Variants in OR1L8 observed in about 807,000 individuals in gnomAD.
The protein encoded by OR1L8 is olfactory receptor family 1 subfamily L member 8.
For missense variants in OR1L8, 330 were observed against 377.4 expected (o/e 0.87, Z 1.04); for synonymous variants, 148 against 147.0 (o/e 1.01, Z -0.05).
At chr9:122,570,616 C>G (rs964513356) in intron 4 of OR1L8, among the ~76,000 whole-genome samples, 3 of 152,180 alleles carry the variant, frequency 2.0e-5, no homozygotes, top group Non-Finnish European at 4.4e-5. Context: ...TAAAAACATT[C>G]AGGACAAGCT....
chr9:122,560,327 C>T, the OR1L8 span, among the ~76,000 whole-genome samples: 4 of 152,114 alleles, frequency 2.6e-5, no homozygotes, highest in Non-Finnish European at 4.4e-5. Flanking sequence ...AGCCCGTTTA[C>T]ATTTAAGGTT....
intron 1 of OR1L8, among the ~76,000 whole-genome samples, chr9:122,578,955 T>A (rs35672539): frequency 0.12 from 16,762 of 142,778 alleles, 1,118 homozygotes; most frequent in South Asian, 0.21. Flanking sequence ...TTAAAAAAAA[T>A]TCTGAAAAAT....
intron 4 of OR1L8, among the ~76,000 whole-genome samples, chr9:122,572,545 C>T (rs1023870031): frequency 6.7e-6 from 1 of 148,908 alleles, no homozygotes; most frequent in Non-Finnish European, 1.5e-5. Context: ...GCTGGGAATG[C>T]AATCATTGTT....
Position 122,581,641 on chromosome 9 carries a change from A to G in OR1L8, c.-600+1680T>C, listed in dbSNP as rs145748999. Among the ~76,000 whole-genome samples, 326 of 152,136 alleles carry G rather than the reference A, an allele frequency of 2.1e-3. 1 individual carries two copies. Among genetic ancestry groups the G allele is most frequent in the African/African-American group, 5.2e-3 (216 of 41,524 alleles). ...AATTCACAGAGGTAAGCGAGTGCCA[A>G]TCTTCTTTAAAAATAAAGACAGAGG... On this transcript the variant is annotated intron_variant, in intron 1 of 4. Transcript: ENST00000641027.
Position 122,568,553 on chromosome 9 carries a change from C to G in OR1L8, c.-76G>C, listed in dbSNP as rs896072418. On this transcript the variant is annotated 5_prime_UTR_variant, in exon 5 of 5. Coordinates refer to ENST00000641027, the MANE Select transcript of OR1L8 (RefSeq NM_001004454.2). ...ATTTCATAACACCAATCATGAGAAC[C>G]TAGCAAGTCTTTGTTTCTTCTGTTT... The G allele has an allele frequency of 2.3e-6, 2 of 854,860 alleles. No homozygotes were observed. Among genetic ancestry groups the G allele is most frequent in the Admixed American group, 5.3e-5 (2 of 37,818 alleles). 53.0% of individuals were successfully genotyped at this position (854,860 alleles called of 1,614,324 possible).
chr9:122,555,928 A>C, the OR1L8 span, among the ~76,000 whole-genome samples: 87,273 of 152,060 alleles, frequency 0.57, 25,552 homozygotes, highest in East Asian at 0.97. Flanking sequence ...GGTGTTGTGC[A>C]TTCTGTGGGT....
At chr9:122,556,663 A>G in the OR1L8 span, among the ~76,000 whole-genome samples, 8 of 152,164 alleles carry the variant, frequency 5.3e-5, no homozygotes, top group Non-Finnish European at 8.8e-5. Flanking sequence ...CTGCACATGT[A>G]TCCCAGAACT....
downstream of OR1L8, among the ~76,000 whole-genome samples, chr9:122,565,698 G>A (rs759450095): frequency 1.3e-5 from 2 of 152,228 alleles, no homozygotes; most frequent in Non-Finnish European, 2.9e-5. Flanking sequence ...CTGACAGGTA[G>A]TTTTTAACTT....
At chr9:122,559,896 G>A in the OR1L8 span, among the ~76,000 whole-genome samples, 1 of 152,142 alleles carries the variant, frequency 6.6e-6, no homozygotes, top group African/African-American at 2.4e-5. Flanking sequence ...TTAATTTTCT[G>A]TCTCATTGAT....
At chr9:122,553,518 C>T in the OR1L8 span, 1 of 1,614,108 alleles carries the variant, frequency 6.2e-7, no homozygotes, top group Non-Finnish European at 8.5e-7. Flanking sequence ...GTGTCTTGCA[C>T]AGCTATATTT....
At chr9:122,553,779 C>T in the OR1L8 span, 40 of 1,613,978 alleles carry the variant, frequency 2.5e-5, no homozygotes, top group Non-Finnish European at 3.4e-5. Context: ...TCTCCTGAAG[C>T]TTGCCTGCTC....
rs1441623319 is a variant in OR1L8, at chr9:122,568,501, A to G, written c.-24T>C. On this transcript the variant is annotated 5_prime_UTR_variant, in exon 5 of 5. Transcript: ENST00000641027. ...ATTGACTTGGGCTCAGTTATAAACAAGAAGTTTTGTCATTTAACATGCTCT... is the reference window on the plus strand; with the variant it reads ...ATTGACTTGGGCTCAGTTATAAACAGGAAGTTTTGTCATTTAACATGCTCT... 7.1e-7 allele frequency: 1 copy of G among 1,410,732 alleles called. No homozygotes were observed. The highest frequency in any genetic ancestry group is 9.7e-7 in the Non-Finnish European group (1 of 1,031,522). The allele number at this position is 1,410,732 out of a possible 1,614,324, so 87.4% of individuals were successfully genotyped here.
the OR1L8 span, among the ~76,000 whole-genome samples, chr9:122,547,657 G>GTA: frequency 6.8e-6 from 1 of 147,812 alleles, no homozygotes; most frequent in South Asian, 2.1e-4. Context: ...GTGTGTGTGT[G>GTA]TACATACACA....
chr9:122,563,157 T>TTC (rs1480485872), downstream of OR1L8, among the ~76,000 whole-genome samples: 1 of 150,068 alleles, frequency 6.7e-6, no homozygotes. Flanking sequence ...GTGCTCCCCT[T>TTC]TCTCCACATC....
the OR1L8 span, among the ~76,000 whole-genome samples, chr9:122,557,248 C>G: frequency 6.6e-6 from 1 of 152,028 alleles, no homozygotes; most frequent in Non-Finnish European, 1.5e-5. Flanking sequence ...CTAGGACTTT[C>G]AGTATGATAT....
chr9:122,548,065 T>C, the OR1L8 span, among the ~76,000 whole-genome samples: 1 of 152,344 alleles, frequency 6.6e-6, no homozygotes. Context: ...TTTCCTCATA[T>C]GCTTATTAAC....
At position 122,568,557 on chromosome 9, in the gene OR1L8, C is replaced by G; in HGVS notation, c.-80G>C. On this transcript the variant is annotated 5_prime_UTR_variant, in exon 5 of 5. Transcript: ENST00000641027. ...CATAACACCAATCATGAGAACCTAG[C>G]AAGTCTTTGTTTCTTCTGTTTGGTC... is the stretch of plus-strand genomic sequence containing the variant. The G allele has an allele frequency of 2.4e-6, 2 of 837,870 alleles. No individual in the cohort carries two copies. Among genetic ancestry groups the G allele is most frequent in the South Asian group, 3.6e-5 (2 of 55,994 alleles). 51.9% of individuals were successfully genotyped at this position (837,870 alleles called of 1,614,324 possible). A position where few individuals can be genotyped will look rare whatever the true frequency, so the allele number is the denominator to read the frequency against.
At chr9:122,571,276 G>A (rs544067096) in intron 4 of OR1L8, among the ~76,000 whole-genome samples, 292 of 152,296 alleles carry the variant, frequency 1.9e-3, no homozygotes, top group South Asian at 5.4e-3. Flanking sequence ...TGCATGCCGG[G>A]CGCGGTGGCT....
At chr9:122,583,178 C>G (rs1829759093) in intron 1 of OR1L8, 143 bp downstream of exon 1, 1 of 151,966 alleles carries the variant, frequency 6.6e-6, no homozygotes. Flanking sequence ...AATGGATACG[C>G]CCCTATTCAC....
Sources: gnomAD v4.1 joint callset for allele counts (sites outside exome capture counted in the v4.1 genomes callset) on GRCh38, gnomAD v4.1.1 for gene constraint, MANE v1.5 for transcripts, NCBI Gene and HGNC (gene_info 2026-07-23, HGNC 2026-07-21) for gene names.